The following CSF3R variants were observed in gnomAD, a reference collection of about 807,000 sequenced individuals.
CSF3R encodes the protein granulocyte colony-stimulating factor receptor.
CSF3R carries 52 observed loss-of-function variants against 84.4 expected under a neutral mutation model. The ratio of observed to expected loss-of-function variants is 0.62; its 90% confidence interval spans 0.49 to 0.78. The LOEUF (loss-of-function observed/expected upper bound fraction) is 0.78, where lower values mean the gene tolerates loss of function less well. CSF3R is among the 30% of genes least tolerant of loss of function. The pLI is 0.00. For synonymous variants in CSF3R, 384 were observed against 429.1 expected, an observed-to-expected ratio of 0.89 and a Z score of 1.30; for missense variants, 890 against 1,055.7, an observed-to-expected ratio of 0.84 and a Z score of 2.17.
Position 36,479,458 on chromosome 1 carries a change from G to T in CSF3R, c.39C>A (p.Ala13=). 6.2e-7 allele frequency: 1 copy of T among 1,614,126 alleles called. No homozygotes were observed. The highest frequency in any genetic ancestry group is 8.5e-7 in the Non-Finnish European group (1 of 1,180,022). The change falls in exon 3 of 17, where the codon GCC becomes GCA. Residue 13 remains alanine, a synonymous_variant. Coordinates refer to ENST00000373106, the MANE Select transcript of CSF3R (RefSeq NM_000760.4). Reference sequence around the variant, plus strand: ...TTCCGGGGAGCAGCAGGATGATCAGGGCAGCCCAAGTCAGGCTGCAGTTTC... The same window carrying T: ...TTCCGGGGAGCAGCAGGATGATCAGTGCAGCCCAAGTCAGGCTGCAGTTTC... ...RLGNCSLTWA[A]LIILLLPGSL...
Position 36,472,447 on chromosome 1 carries a change from A to G in CSF3R, c.844-56T>C. The G allele has an allele frequency of 7.4e-6, 12 of 1,613,920 alleles. No homozygotes were observed. Among genetic ancestry groups the G allele is most frequent in the Non-Finnish European group, 1.0e-5 (12 of 1,179,960 alleles). The stretch of plus-strand genomic sequence containing the variant: ...TGGATCGCTGGGCCATTCTAGGGCC[A>G]GCTCGAGCCCGACTTACCCTGCCCC... On this transcript the variant is annotated intron_variant, in intron 7 of 16. Transcript: ENST00000373106. This position sits in a 1 kb window ranked among gnomAD's most constrained non-coding sequence, Gnocchi z 5.0.
Position 36,471,493 on chromosome 1 carries a change from C to T in CSF3R, c.1225G>A (p.Val409Met), listed in dbSNP as rs1344960880. The change falls in exon 10 of 17, where the codon GTG (valine) becomes ATG (methionine). Residue 409 changes from valine to methionine, a missense_variant. By Grantham distance (21) the Val-to-Met change is conservative. Transcript: ENST00000373106. The part of the protein sequence containing the change: ...LPSEAQEVAL[V>M]AYNSAGTSRP... ...GAGGTCCCGGCTGAGTTATAGGCCA[C>T]AAGGGCCACCTCCTGGGCTTCTGAA... 1 of 1,614,236 alleles carries T rather than the reference C, an allele frequency of 6.2e-7. No homozygotes were observed. Among genetic ancestry groups the T allele is most frequent in the Admixed American group, 1.7e-5 (1 of 60,024 alleles).
rs1425125250 is a variant in CSF3R at position 36,468,195 on chromosome 1, G to T, written c.1603C>A (p.Leu535Ile). Residue 535 changes from leucine (L) to isoleucine (I), a missense_variant, in exon 13 of 17, where the codon CTA (leucine) becomes ATA (isoleucine). By Grantham distance (5) the Leu-to-Ile change is conservative. Coordinates refer to ENST00000373106, the MANE Select transcript of CSF3R (RefSeq NM_000760.4). ...GCCCAGGTCTTGCCAATGTGCTTTA[G>T]ATGCAGCTCTGGGGCATGGGAGGGA... is the stretch of plus-strand genomic sequence containing the variant. ...MAPSHAPELH[L>I]KHIGKTWAQL... 2 of 1,605,306 alleles carry T rather than the reference G, an allele frequency of 1.2e-6. No homozygotes were observed. The highest frequency in any genetic ancestry group is 1.7e-6 in the Non-Finnish European group (2 of 1,175,218).
In CSF3R at chr1:36,473,484, C is replaced by T. The variant is rs776543343; in HGVS notation, c.624G>A (p.Ala208=). The change falls in exon 6 of 17, where the codon GCG becomes GCA. Residue 208 remains alanine, a synonymous_variant. Transcript: ENST00000373106. ...NMGIWVQAEN[A]LGTSMSPQLC... is the part of the protein sequence containing the mutation. ...GTTGTGGGGACATGCTGGTCCCCAG[C>T]GCATTCTCTGCCTGCACCCAGATGC... The T allele has an allele frequency of 8.7e-6, 14 of 1,613,970 alleles. No homozygotes were observed. Among genetic ancestry groups the T allele is most frequent in the Admixed American group, 6.7e-5 (4 of 60,012 alleles).
chr1:36,480,469 C>T (rs868124517), intron 2 of CSF3R, among the ~76,000 whole-genome samples: 6 of 152,306 alleles, frequency 3.9e-5, no homozygotes, highest in Middle Eastern at 3.4e-3. Context: ...TGCCTTGGCT[C>T]CAGTCTTAGG....
rs199774481 is a variant in CSF3R, at chr1:36,469,759, G to T, written c.1367C>A (p.Pro456His). The change falls in exon 11 of 17, where the codon CCT becomes CAT. Residue 456 changes from proline (P) to histidine (H), a missense_variant. Transcript: ENST00000373106. ...GCCCCACTCAATCACATAGCCCTGAGGCCATGGATTGGGGGGCTCCCAGCC... is the reference window on the plus strand; with the variant it reads ...GCCCCACTCAATCACATAGCCCTGATGCCATGGATTGGGGGGCTCCCAGCC... ...WVGWEPPNPW[P>H]QGYVIEWGLG... 1.8e-5 allele frequency: 29 copies of T among 1,614,086 alleles called. No individual in the cohort carries two copies. The highest frequency in any genetic ancestry group is 2.3e-5 in the Non-Finnish European group (27 of 1,180,034).
In CSF3R at chr1:36,472,789, T is replaced by C. The variant is rs1476971101; in HGVS notation, c.674-103A>G. 2 of 1,349,814 alleles carry C rather than the reference T, an allele frequency of 1.5e-6. No individual in the cohort carries two copies. Among genetic ancestry groups the C allele is most frequent in the South Asian group, 1.5e-5 (1 of 65,714 alleles). The allele number at this position is 1,349,814 out of a possible 1,614,324, so 83.6% of individuals were successfully genotyped here. ...GTCTGTGGTTCACCATCTGTCCACG[T>C]TGCCAATGACACGTTTCTGTGGTTC... On this transcript the variant is annotated intron_variant, in intron 6 of 16. Transcript: ENST00000373106. The surrounding 1 kb of genome is among the most constrained non-coding windows in gnomAD (Gnocchi z 5.0).
At chr1:36,475,260 G>T in intron 4 of CSF3R, 117 bp downstream of exon 4, 1 of 1,289,336 alleles carries the variant, frequency 7.8e-7, no homozygotes, top group Non-Finnish European at 1.1e-6. Context: ...GCCTGCCTCG[G>T]CCTCCCAAAG....
chr1:36,471,961 G>A (rs779321306), intron 9 of CSF3R, 105 bp downstream of exon 9: 120 of 1,139,064 alleles, frequency 1.1e-4, no homozygotes, highest in Non-Finnish European at 1.4e-4. Context: ...ATATAAATGC[G>A]TCCACGCCTC....
chr1:36,467,545 C>T lies in CSF3R; in HGVS notation c.1958+13G>A, dbSNP rs568657411. The T allele has an allele frequency of 6.2e-7, 1 of 1,612,986 alleles. No individual in the cohort carries two copies. The highest frequency in any genetic ancestry group is 1.3e-5 in the African/African-American group (1 of 74,880). On this transcript the variant is annotated intron_variant, in intron 15 of 16. Coordinates refer to ENST00000373106, the MANE Select transcript of CSF3R (RefSeq NM_000760.4). This position sits in a 1 kb window ranked among gnomAD's most constrained non-coding sequence, Gnocchi z 4.1. The stretch of plus-strand genomic sequence containing the variant: ...GGGGGAAGCAGGATCTCAGGTCTCT[C>T]AAAGGGACTCACTTGGGGCTGCAAC...
At chr1:36,479,878 A>G (rs1172565199) in intron 2 of CSF3R, 1 of 351,686 alleles carries the variant, frequency 2.8e-6, no homozygotes, top group East Asian at 6.9e-5. Context: ...GAGGAATTGC[A>G]TGCTGGTAGT....
rs368290894 is a variant in CSF3R at position 36,467,810 on chromosome 1, G to A, written c.1864+12C>T. ...AAACAGCCATCTCTGCCCAGCCCCC[G>A]TCTCCCCTTACCTGGGGTCAAGGTC... On this transcript the variant is annotated intron_variant, in intron 14 of 16. Transcript: ENST00000373106. The surrounding 1 kb of genome is among the most constrained non-coding windows in gnomAD (Gnocchi z 4.1). 5.8e-5 allele frequency: 94 copies of A among 1,614,218 alleles called. No homozygotes were observed. The highest frequency in any genetic ancestry group is 3.7e-4 in the African/African-American group (28 of 75,066).
Position 36,479,416 on chromosome 1 carries a change from T to C in CSF3R, c.64+17A>G. 2 of 1,613,880 alleles carry C rather than the reference T, an allele frequency of 1.2e-6. No individual in the cohort carries two copies. Among genetic ancestry groups the C allele is most frequent in the Non-Finnish European group, 1.7e-6 (2 of 1,179,764 alleles). ...GCTTCCCCTCCCCACTGCACCCTCA[T>C]CCTTGGCCATACTCACTTCCGGGGA... is the stretch of plus-strand genomic sequence containing the variant. On this transcript the variant is annotated intron_variant, in intron 3 of 16. Coordinates refer to ENST00000373106, the MANE Select transcript of CSF3R (RefSeq NM_000760.4).
intron 3 of CSF3R, chr1:36,476,166 C>CA: frequency 1.3e-5 from 2 of 156,424 alleles, no homozygotes; most frequent in Non-Finnish European, 2.8e-5. Context: ...ATTCTGCTAC[C>CA]CCATCTCCAT....
At chr1:36,479,369 A>T in intron 3 of CSF3R, 64 bp downstream of exon 3, 1 of 1,514,838 alleles carries the variant, frequency 6.6e-7, no homozygotes, top group Non-Finnish European at 9.2e-7. Context: ...GTGCAAGGAA[A>T]TTCCCAATAT....
chr1:36,473,734 G>A (rs777177698), intron 5 of CSF3R, 30 bp downstream of exon 5: 1 of 1,614,162 alleles, frequency 6.2e-7, no homozygotes, highest in South Asian at 1.1e-5. Flanking sequence ...AATCCAAAGG[G>A]AGGGGACCAA....
chr1:36,472,163 G>A lies in CSF3R; in HGVS notation c.998-24C>T, dbSNP rs781424235. ...GGCTGTGGATGGAACAAGAAGAGGG[G>A]GTGCCAGTTGGGGAGGGGCCTGGGG... On this transcript the variant is annotated intron_variant, in intron 8 of 16. Coordinates refer to ENST00000373106, the MANE Select transcript of CSF3R (RefSeq NM_000760.4). This position sits in a 1 kb window ranked among gnomAD's most constrained non-coding sequence, Gnocchi z 5.0. 1 of 1,614,068 alleles carries A rather than the reference G, an allele frequency of 6.2e-7. No homozygotes were observed. Among genetic ancestry groups the A allele is most frequent in the East Asian group, 2.2e-5 (1 of 44,876 alleles).
chr1:36,473,373 C>A, intron 6 of CSF3R, 62 bp downstream of exon 6: 1 of 1,580,370 alleles, frequency 6.3e-7, no homozygotes. Context: ...CTGTGTTTCC[C>A]TCTCCATTCC....
rs1440439440 is a variant in CSF3R at position 36,479,492 on chromosome 1, G to A, written c.5C>T (p.Ala2Val). The A allele has an allele frequency of 1.2e-6, 2 of 1,614,020 alleles. No individual in the cohort carries two copies. The highest frequency in any genetic ancestry group is 1.7e-6 in the Non-Finnish European group (2 of 1,179,980). M[A>V]RLGNCSLTWA... ...AGTCAGGCTGCAGTTTCCCAGCCTTGCCATAGCACCAACTTGATGTTCACC... is the reference window on the plus strand; with the variant it reads ...AGTCAGGCTGCAGTTTCCCAGCCTTACCATAGCACCAACTTGATGTTCACC... Residue 2 changes from alanine (A) to valine (V), a missense_variant, in exon 3 of 17, where the codon GCA becomes GTA. By Grantham distance (64) the Ala-to-Val change is moderately conservative (BLOSUM62 0). Transcript: ENST00000373106.
Sources: allele counts gnomAD v4.1 joint callset (sites outside exome capture counted in the v4.1 genomes callset), GRCh38; gene constraint gnomAD v4.1.1; non-coding constraint Gnocchi (gnomAD v3.1); transcripts MANE v1.5; gene names NCBI Gene and HGNC (gene_info 2026-07-23, HGNC 2026-07-21).